The following PDZRN4 variants were observed in gnomAD, a reference collection of about 807,000 sequenced individuals.
PDZRN4 encodes PDZ domain containing ring finger 4.
In PDZRN4, 70 loss-of-function variants were observed where a neutral mutation model predicts 99.0. The ratio of observed to expected loss-of-function variants is 0.71; its 90% CI spans 0.58 to 0.86. The LOEUF (loss-of-function observed/expected upper bound fraction) is 0.86, where lower values mean the gene tolerates loss of function less well. Among genes scored for constraint, PDZRN4 ranks in the 40% least tolerant of loss-of-function variants. The pLI is 0.00. For missense variants in PDZRN4, 1,474 were observed against 1,331.2 expected (o/e 1.11, Z -1.67); for synonymous variants, 551 against 501.6 (o/e 1.10, Z -1.32).
At chr12:41,259,708 A>G (rs1246132007) in intron 3 of PDZRN4, among the ~76,000 whole-genome samples, 1 of 152,170 alleles carries the variant, frequency 6.6e-6, no homozygotes. Context: ...ATATGAGTAT[A>G]TTGGCCGGAC....
chr12:41,267,450 A>G lies in PDZRN4; in HGVS notation c.843+73262A>G, dbSNP rs563943259. On this transcript the variant is annotated intron_variant, in intron 3 of 9. Coordinates refer to ENST00000402685, the MANE Select transcript of PDZRN4 (RefSeq NM_001164595.2). ...AAGAATATGGAACAGAAAAAAACAGAAGAGAGAACCAGGGTTTTCCATCGA... is the reference window on the plus strand; with the variant it reads ...AAGAATATGGAACAGAAAAAAACAGGAGAGAGAACCAGGGTTTTCCATCGA... 1.0e-3 allele frequency among the ~76,000 whole-genome samples: 158 copies of G among 152,284 alleles called. 1 individual carries two copies. Among genetic ancestry groups the G allele is most frequent in the African/African-American group, 3.7e-3 (154 of 41,568 alleles).
intron 3 of PDZRN4, among the ~76,000 whole-genome samples, chr12:41,488,871 C>G (rs1937827407): frequency 6.6e-6 from 1 of 152,056 alleles, no homozygotes; most frequent in South Asian, 2.1e-4. Context: ...CGATTAGATC[C>G]AGCATTCTTC....
chr12:41,493,937 G>A (rs1008440385), intron 3 of PDZRN4, among the ~76,000 whole-genome samples: 4 of 151,666 alleles, frequency 2.6e-5, no homozygotes, highest in Non-Finnish European at 5.9e-5. Flanking sequence ...GTTTTAAGCT[G>A]CATCAAGAAT....
intron 3 of PDZRN4, among the ~76,000 whole-genome samples, chr12:41,325,087 T>C (rs1462704769): frequency 6.6e-6 from 1 of 152,092 alleles, no homozygotes; most frequent in African/African-American, 2.4e-5. Flanking sequence ...TATGGAGATA[T>C]TTAAATGTAT....
intron 3 of PDZRN4, among the ~76,000 whole-genome samples, chr12:41,505,809 T>A (rs750441858): frequency 2.0e-5 from 3 of 151,836 alleles, no homozygotes; most frequent in Non-Finnish European, 4.4e-5. Context: ...CTTCTTTCAG[T>A]GAATATAAAT....
chr12:41,251,229 G>A (rs1951167737), intron 3 of PDZRN4, among the ~76,000 whole-genome samples: 1 of 152,088 alleles, frequency 6.6e-6, no homozygotes, highest in African/African-American at 2.4e-5. Context: ...TGAGATGTTT[G>A]TGGTGTTGGC....
At chr12:41,208,431 A>AT (rs1417472242) in intron 3 of PDZRN4, among the ~76,000 whole-genome samples, 5 of 151,810 alleles carry the variant, frequency 3.3e-5, no homozygotes, top group Admixed American at 1.3e-4. Context: ...CTTCTAAGGG[A>AT]TTTTTCAGTA....
intron 3 of PDZRN4, among the ~76,000 whole-genome samples, chr12:41,214,065 G>A (rs1950904737): frequency 6.6e-6 from 1 of 151,742 alleles, no homozygotes; most frequent in Non-Finnish European, 1.5e-5. Context: ...GGTTTGTACT[G>A]CAGCTTGATC....
At chr12:41,550,844 A>G (rs1263744682) in intron 5 of PDZRN4, among the ~76,000 whole-genome samples, 2 of 152,186 alleles carry the variant, frequency 1.3e-5, no homozygotes, top group African/African-American at 4.8e-5. Flanking sequence ...GATGTACAGC[A>G]CATCATTTTT....
chr12:41,368,540 G>T (rs770702807), intron 3 of PDZRN4, among the ~76,000 whole-genome samples: 1 of 152,002 alleles, frequency 6.6e-6, no homozygotes, highest in African/African-American at 2.4e-5. Flanking sequence ...AACAGAAGCT[G>T]TCAGCCATTA....
chr12:41,311,273 T>C (rs1340984441), intron 3 of PDZRN4, among the ~76,000 whole-genome samples: 1 of 1,280 alleles, frequency 7.8e-4, no homozygotes, highest in Non-Finnish European at 0.033. Context: ...CAATGAGAAT[T>C]TTTTTTTTTC....
intron 3 of PDZRN4, among the ~76,000 whole-genome samples, chr12:41,221,834 A>G (rs956041673): frequency 6.6e-5 from 10 of 152,118 alleles, no homozygotes; most frequent in African/African-American, 1.7e-4. Flanking sequence ...CTGGGCCCCT[A>G]ACTTTCCTGG....
chr12:41,265,494 G>T (rs1241410372), intron 3 of PDZRN4, among the ~76,000 whole-genome samples: 2 of 152,170 alleles, frequency 1.3e-5, no homozygotes, highest in East Asian at 3.9e-4. Flanking sequence ...CTCAAATCCT[G>T]TCTTAAATCC....
chr12:41,250,254 G>T (rs530399886), intron 3 of PDZRN4, among the ~76,000 whole-genome samples: 25 of 152,260 alleles, frequency 1.6e-4, no homozygotes, highest in African/African-American at 5.3e-4. Context: ...TTCAGAAAAA[G>T]TTCTGTGTTA....
chr12:41,402,120 T>C (rs1375984548), intron 3 of PDZRN4, among the ~76,000 whole-genome samples: 2 of 37,678 alleles, frequency 5.3e-5, no homozygotes, highest in Non-Finnish European at 1.0e-4. Context: ...ACTGAGTATA[T>C]ATATATATAT....
In PDZRN4 at chr12:41,528,588, A is replaced by T. The variant is rs542827217; in HGVS notation, c.1203+18675A>T. Among the ~76,000 whole-genome samples, 3 of 152,306 alleles carry T rather than the reference A, an allele frequency of 2.0e-5. No individual in the cohort carries two copies. The South Asian group carries it at 6.2e-4, about 32-fold the overall frequency. ...CTTGAGTTGTTTTTAAAAACATGAGATATTAGACAAACTCTAATTACGGCA... is the reference window on the plus strand; with the variant it reads ...CTTGAGTTGTTTTTAAAAACATGAGTTATTAGACAAACTCTAATTACGGCA... On this transcript the variant is annotated intron_variant, in intron 5 of 9. Transcript: ENST00000402685.
intron 5 of PDZRN4, among the ~76,000 whole-genome samples, chr12:41,525,781 A>G (rs2120725517): frequency 6.6e-6 from 1 of 152,310 alleles, no homozygotes; most frequent in African/African-American, 2.4e-5. Context: ...ATTCAGAGCC[A>G]TGCACAAGGA....
chr12:41,522,466 G>A (rs920474454), intron 5 of PDZRN4, among the ~76,000 whole-genome samples: 10 of 152,164 alleles, frequency 6.6e-5, no homozygotes, highest in African/African-American at 2.2e-4. Context: ...CAATACAACC[G>A]AGTGTAGGAT....
intron 3 of PDZRN4, among the ~76,000 whole-genome samples, chr12:41,297,112 C>T (rs988259599): frequency 1.2e-4 from 18 of 152,092 alleles, no homozygotes; most frequent in African/African-American, 3.6e-4. Flanking sequence ...AAATGTGTCC[C>T]GAACTTGATG....
Sources: gnomAD v4.1 joint callset for allele counts (sites outside exome capture counted in the v4.1 genomes callset) on GRCh38, gnomAD v4.1.1 for gene constraint, MANE v1.5 for transcripts, NCBI Gene and HGNC (gene_info 2026-07-23, HGNC 2026-07-21) for gene names.